The following FANCB variants were observed in gnomAD, a reference collection of about 807,000 sequenced individuals.
FANCB encodes FA complementation group B, also known as Fanconi anemia group B protein.
Under a neutral mutation model 38.9 loss-of-function variants are expected in FANCB, and 5 were observed. The ratio of observed to expected loss-of-function variants is 0.13; its 90% CI spans 0.07 to 0.27. FANCB has a LOEUF of 0.27. Among genes scored for constraint, FANCB ranks in the 10% least tolerant of loss-of-function variants. The pLI is 1.00. For missense variants in FANCB, 573 were observed against 602.7 expected, an observed-to-expected ratio of 0.95 and a Z score of 0.52; for synonymous variants, 236 against 215.4, an observed-to-expected ratio of 1.10 and a Z score of -0.84.
At chrX:14,780,370 A>G in the FANCB span, among the ~76,000 whole-genome samples, 1 of 111,229 alleles carries the variant, frequency 9.0e-6, no homozygotes, top group Admixed American at 9.5e-5. Flanking sequence ...TTCTGTACAT[A>G]TAAACAGAAG....
the FANCB span, among the ~76,000 whole-genome samples, chrX:14,727,033 G>A: frequency 3.6e-5 from 4 of 111,934 alleles, no homozygotes; most frequent in East Asian, 8.4e-4. Flanking sequence ...GGTATTTTGA[G>A]GGGTTGTTTC....
chrX:14,860,111 T>C lies in FANCB; in HGVS notation c.952-777A>G, dbSNP rs767721136. Reference sequence around the variant, plus strand: ...TACATATAGCTGAAAGCCTCAAGATTGGTCCCAGGGTAAACTAACACCATG... The same window carrying C: ...TACATATAGCTGAAAGCCTCAAGATCGGTCCCAGGGTAAACTAACACCATG... On this transcript the variant is annotated intron_variant, in intron 3 of 9. Coordinates refer to ENST00000650831, the MANE Select transcript of FANCB (RefSeq NM_001018113.3). 4.5e-5 allele frequency among the ~76,000 whole-genome samples: 5 copies of C among 111,614 alleles called. No individual in the cohort carries two copies. In the East Asian group the frequency reaches 1.1e-3, roughly 25 times the overall value.
the FANCB span, chrX:14,731,301 C>CTTTA: frequency 8.9e-6 from 1 of 112,099 alleles, no homozygotes; most frequent in African/African-American, 3.3e-5. Flanking sequence ...TAAATGCCCA[C>CTTTA]TTTATTTTAT....
the FANCB span, chrX:14,730,128 A>T: frequency 1.3e-6 from 1 of 746,799 alleles, no homozygotes; most frequent in Non-Finnish European, 2.0e-6. Flanking sequence ...TTATCCTTTT[A>T]CTTCTAAAGA....
the FANCB span, chrX:14,730,296 G>A: frequency 9.1e-6 from 11 of 1,206,551 alleles, no homozygotes; most frequent in Admixed American, 2.2e-5. Context: ...CAGCTGTCAA[G>A]GCCACACCTG....
chrX:14,778,435 C>A, the FANCB span, among the ~76,000 whole-genome samples: 6 of 111,982 alleles, frequency 5.4e-5, no homozygotes, highest in Non-Finnish European at 1.1e-4. Flanking sequence ...TCCCACCTAA[C>A]CCAACTGAGA....
chrX:14,730,573 G>C, the FANCB span: 6 of 158,877 alleles, frequency 3.8e-5, no homozygotes, highest in Non-Finnish European at 1.2e-5. Context: ...CTTTGACAGA[G>C]GAGAAGATTG....
exon 11 of FANCB, chrX:14,835,989 A>G (rs895325883): frequency 1.8e-5 from 2 of 112,492 alleles, no homozygotes; most frequent in African/African-American, 6.5e-5. Context: ...TTATTGCAGT[A>G]TTATTCACAA....
chrX:14,836,144 T>G (rs2092340673), exon 11 of FANCB: 1 of 112,066 alleles, frequency 8.9e-6, no homozygotes, highest in Admixed American at 9.5e-5. Context: ...TCAAGGACAT[T>G]ATGCTAAGTA....
chrX:14,737,017 C>T, the FANCB span, among the ~76,000 whole-genome samples: 50,239 of 108,318 alleles, frequency 0.46, 9,176 homozygotes, highest in Non-Finnish European at 0.57. Flanking sequence ...ATTAGCTGGG[C>T]GTGGTGGCAC....
the FANCB span, among the ~76,000 whole-genome samples, chrX:14,807,429 C>T: frequency 3.6e-5 from 4 of 112,408 alleles, no homozygotes; most frequent in Non-Finnish European, 7.5e-5. Flanking sequence ...AGCTATATCT[C>T]TGAAATTTGG....
At chrX:14,803,257 C>T in the FANCB span, among the ~76,000 whole-genome samples, 1 of 111,866 alleles carries the variant, frequency 8.9e-6, no homozygotes, top group East Asian at 2.8e-4. Flanking sequence ...TCCAAGAAAC[C>T]AACCAGTTTG....
chrX:14,727,336 A>G, the FANCB span, among the ~76,000 whole-genome samples: 1 of 112,151 alleles, frequency 8.9e-6, no homozygotes, highest in Admixed American at 9.5e-5. Flanking sequence ...TTGAAAGAAT[A>G]AGTAGCTTGC....
the FANCB span, among the ~76,000 whole-genome samples, chrX:14,763,284 C>G: frequency 8.9e-6 from 1 of 112,175 alleles, no homozygotes; most frequent in South Asian, 3.7e-4. Context: ...ATCCAGATCA[C>G]TCACAATAAC....
chrX:14,863,807 GACA>G (rs2092456569), intron 3 of FANCB, among the ~76,000 whole-genome samples: 1 of 89,281 alleles, frequency 1.1e-5, no homozygotes. Context: ...ATGAATCAGA[GACA>G]ACAAGTAAAT....
chrX:14,772,068 G>C, the FANCB span, among the ~76,000 whole-genome samples: 1 of 110,989 alleles, frequency 9.0e-6, no homozygotes, highest in Non-Finnish European at 1.9e-5. Context: ...AGAAGTCTCA[G>C]TCAGTCAGGA....
chrX:14,862,618 A>C (rs1284389653), intron 3 of FANCB, among the ~76,000 whole-genome samples: 1 of 112,006 alleles, frequency 8.9e-6, no homozygotes, highest in East Asian at 2.8e-4. Flanking sequence ...GAGTAAGTGT[A>C]AGTAACTGAT....
At chrX:14,756,608 T>C in the FANCB span, among the ~76,000 whole-genome samples, 2 of 111,731 alleles carry the variant, frequency 1.8e-5, no homozygotes, top group Non-Finnish European at 3.8e-5. Flanking sequence ...TGTGATCAAT[T>C]AAGCAACTGA....
At chrX:14,784,186 G>C in the FANCB span, among the ~76,000 whole-genome samples, 2 of 112,281 alleles carry the variant, frequency 1.8e-5, no homozygotes, top group Non-Finnish European at 3.8e-5. Context: ...CTCCAGCCTG[G>C]GCAACAAGAA....
Sources: allele counts gnomAD v4.1 joint callset (sites outside exome capture counted in the v4.1 genomes callset), GRCh38; gene constraint gnomAD v4.1.1; transcripts MANE v1.5; gene names NCBI Gene and HGNC (gene_info 2026-07-23, HGNC 2026-07-21).